The following ARHGEF12 variants were observed in gnomAD, a reference collection of about 807,000 sequenced individuals.
The protein encoded by ARHGEF12 is Rho guanine nucleotide exchange factor 12.
A neutral mutation model predicts 211.2 loss-of-function variants in ARHGEF12; 66 were observed. The observed-to-expected ratio is 0.31, with a 90% CI of 0.26 to 0.38. The LOEUF (loss-of-function observed/expected upper bound fraction) is 0.38, where lower values mean the gene tolerates loss of function less well. Ranked by LOEUF, ARHGEF12 falls within the 10% of genes least tolerant of loss-of-function variation. The pLI is 1.00. For missense variants in ARHGEF12, 1,429 were observed against 1,869.5 expected (o/e 0.76, Z 4.34); for synonymous variants, 592 against 638.4 (o/e 0.93, Z 1.09).
At chr11:120,467,173 C>T in intron 28 of ARHGEF12, 21 bp from the exon 29 acceptor site, 1 of 1,467,242 alleles carries the variant, frequency 6.8e-7, no homozygotes, top group Non-Finnish European at 9.5e-7. Flanking sequence ...TACAGATTCA[C>T]TTATTTCACT....
At chr11:120,477,078 G>T in intron 34 of ARHGEF12, 141 bp from the exon 35 acceptor site, 1 of 684,768 alleles carries the variant, frequency 1.5e-6, no homozygotes, top group Non-Finnish European at 2.4e-6. Flanking sequence ...TGGCAGAGTG[G>T]GTTTTGTTGT....
chr11:120,457,966 G>T, intron 24 of ARHGEF12, 114 bp from the exon 25 acceptor site: 1 of 1,312,194 alleles, frequency 7.6e-7, no homozygotes, highest in South Asian at 1.4e-5. Context: ...TGAAATTTCA[G>T]TGCTAAGTCA....
chr11:120,345,896 G>A (rs985067520), intron 1 of ARHGEF12, among the ~76,000 whole-genome samples: 5 of 151,648 alleles, frequency 3.3e-5, no homozygotes, highest in Admixed American at 6.6e-5. Context: ...AGTAATTATC[G>A]GTAGCCTTAT....
At chr11:120,337,622 G>C in intron 1 of ARHGEF12, 2 of 985,362 alleles carry the variant, frequency 2.0e-6, no homozygotes, top group Non-Finnish European at 2.4e-6. Context: ...AGTCGGCTCG[G>C]TATTGGTGTA....
intron 22 of ARHGEF12, among the ~76,000 whole-genome samples, chr11:120,455,993 A>G (rs1006358509): frequency 3.9e-5 from 6 of 152,230 alleles, no homozygotes; most frequent in Non-Finnish European, 7.3e-5. Flanking sequence ...GAAGTGGCCC[A>G]TGGATTGCAT....
rs1422365117 is a variant in ARHGEF12 at position 120,347,145 on chromosome 11, TTCCTTCCTTCC to T, written c.32+9872_32+9882del. ...TTTCTTTCTTTCTTTCCTTCCTTCCTTCCTTCCTTCCTTCCTTCCTTCCTTCCTTCCTTCCT... is the reference window on the plus strand; with the variant it reads ...TTTCTTTCTTTCTTTCCTTCCTTCCTTTCCTTCCTTCCTTCCTTCCTTCCT... On this transcript the variant is annotated intron_variant, in intron 1 of 40. Transcript: ENST00000397843. Among the ~76,000 whole-genome samples the T allele has an allele frequency of 4.3e-4, 40 of 93,102 alleles. 3 individuals carry two copies. Among genetic ancestry groups the T allele is most frequent in the African/African-American group, 1.5e-3 (37 of 24,140 alleles). 61.1% of individuals were successfully genotyped at this position (93,102 alleles called of 152,430 possible). A position where few individuals can be genotyped will look rare whatever the true frequency, so the allele number is the denominator to read the frequency against.
At chr11:120,429,597 A>G in intron 9 of ARHGEF12, 80 bp downstream of exon 9, 1 of 1,572,172 alleles carries the variant, frequency 6.4e-7, no homozygotes, top group Non-Finnish European at 8.7e-7. Context: ...TATCAGTCAC[A>G]ATCAAGCAGC....
rs1947408273 is a variant in ARHGEF12, at chr11:120,486,781, G to A, written c.*1704G>A. On this transcript the variant is annotated 3_prime_UTR_variant, in exon 41 of 41. Coordinates refer to ENST00000397843, the MANE Select transcript of ARHGEF12 (RefSeq NM_015313.3). ...TATAAACACCACTGCAACTTAACAA[G>A]TTTATTTATCTATGTCCAGATTTCT... 1 of 217,468 alleles carries A rather than the reference G, an allele frequency of 4.6e-6. No homozygotes were observed. The highest frequency in any genetic ancestry group is 9.3e-6 in the Non-Finnish European group (1 of 108,042). The allele number at this position is 217,468 out of a possible 1,614,324, so 13.5% of individuals were successfully genotyped here. A position where few individuals can be genotyped will look rare whatever the true frequency, so the allele number is the denominator to read the frequency against.
chr11:120,481,326 C>T lies in ARHGEF12; in HGVS notation c.4304C>T (p.Ser1435Phe), dbSNP rs1947228777. 1.2e-6 allele frequency: 2 copies of T among 1,614,192 alleles called. No homozygotes were observed. Among genetic ancestry groups the T allele is most frequent in the South Asian group, 2.2e-5 (2 of 91,082 alleles). ...QESSTDEEVASSLTLQPMTGI... is the reference protein window; with the variant it reads ...QESSTDEEVAFSLTLQPMTGI... The stretch of plus-strand genomic sequence containing the variant: ...AGTTCCACAGATGAGGAGGTTGCTT[C>T]CTCACTTACCCTGCAGCCCATGACA... The change falls in exon 39 of 41, where the codon TCC becomes TTC. Residue 1435 changes from serine to phenylalanine, a missense_variant. Coordinates refer to ENST00000397843, the MANE Select transcript of ARHGEF12 (RefSeq NM_015313.3).
At position 120,457,178 on chromosome 11, in the gene ARHGEF12, C is replaced by T. The variant is rs1444090921; in HGVS notation, c.2117C>T (p.Thr706Ile). The T allele has an allele frequency of 6.2e-7, 1 of 1,614,120 alleles. No homozygotes were observed. Among genetic ancestry groups the T allele is most frequent in the East Asian group, 2.2e-5 (1 of 44,874 alleles). ...PGDTLDGTPR[T>I]LNTVFDFPPP... is the part of the protein sequence containing the mutation. ...GACACCTTAGATGGCACACCTCGTA[C>T]TCTCAATACTGTCTTTGATTTCCCA... The change falls in exon 23 of 41, where the codon ACT becomes ATT. Residue 706 changes from threonine to isoleucine, a missense_variant. Thr to Ile is a moderately conservative substitution (Grantham distance 89, BLOSUM62 -1). Coordinates refer to ENST00000397843, the MANE Select transcript of ARHGEF12 (RefSeq NM_015313.3).
intron 4 of ARHGEF12, among the ~76,000 whole-genome samples, chr11:120,417,618 A>G (rs1331941454): frequency 6.7e-6 from 1 of 150,180 alleles, no homozygotes; most frequent in Non-Finnish European, 1.5e-5. Flanking sequence ...AGATTCAAGC[A>G]GTTCTCCTGC....
chr11:120,379,567 C>G (rs1009408266), intron 1 of ARHGEF12, among the ~76,000 whole-genome samples: 2 of 151,220 alleles, frequency 1.3e-5, no homozygotes, highest in Admixed American at 1.3e-4. Flanking sequence ...ACCTTCTATT[C>G]CTAGCTTGTA....
intron 1 of ARHGEF12, among the ~76,000 whole-genome samples, chr11:120,350,390 C>G (rs942471489): frequency 5.3e-5 from 8 of 151,874 alleles, no homozygotes; most frequent in African/African-American, 1.9e-4. Flanking sequence ...TGGTGGGCAC[C>G]TGTAGTCCCA....
chr11:120,414,872 G>A lies in ARHGEF12; in HGVS notation c.199+5422G>A, dbSNP rs534134917. On this transcript the variant is annotated intron_variant, in intron 4 of 40. Coordinates refer to ENST00000397843, the MANE Select transcript of ARHGEF12 (RefSeq NM_015313.3). The stretch of plus-strand genomic sequence containing the variant: ...CTCCCAAAACGTTGGGATTACAGGT[G>A]TGATCCACGGTGCCTGCCTGTCAGG... Among the ~76,000 whole-genome samples the A allele has an allele frequency of 5.3e-5, 8 of 152,280 alleles. No individual in the cohort carries two copies. The East Asian group carries it at 1.4e-3, about 26-fold the overall frequency.
intron 1 of ARHGEF12, among the ~76,000 whole-genome samples, chr11:120,356,738 C>T (rs1943141088): frequency 6.6e-6 from 1 of 152,160 alleles, no homozygotes; most frequent in African/African-American, 2.4e-5. Flanking sequence ...AAAAGTTACT[C>T]CAAAGATGAT....
At chr11:120,337,498 A>T (rs1942387787) in intron 1 of ARHGEF12, 1 of 985,248 alleles carries the variant, frequency 1.0e-6, no homozygotes, top group East Asian at 1.1e-4. Context: ...CGATTCTCAG[A>T]GAAGGGGGAG....
At chr11:120,402,382 T>G (rs916476991) in intron 1 of ARHGEF12, among the ~76,000 whole-genome samples, 1 of 152,164 alleles carries the variant, frequency 6.6e-6, no homozygotes, top group African/African-American at 2.4e-5. Context: ...CTGGAGTGGG[T>G]TCCAATAAAA....
chr11:120,477,434 T>A lies in ARHGEF12; in HGVS notation c.3453-13T>A. ...GAAGGTAAAAGTTTTTTTTTTTTTT[T>A]TTTTCTCTACAGAGGAGATAATGAT... On this transcript the variant is annotated splice_polypyrimidine_tract_variant and intron_variant, in intron 35 of 40. Coordinates refer to ENST00000397843, the MANE Select transcript of ARHGEF12 (RefSeq NM_015313.3). 6.4e-7 allele frequency: 1 copy of A among 1,573,388 alleles called. No individual in the cohort carries two copies. The highest frequency in any genetic ancestry group is 8.6e-7 in the Non-Finnish European group (1 of 1,167,406).
chr11:120,413,621 G>A (rs544124726), intron 4 of ARHGEF12, among the ~76,000 whole-genome samples: 42 of 152,276 alleles, frequency 2.8e-4, no homozygotes, highest in Non-Finnish European at 2.9e-4. Context: ...TGGAATTTAA[G>A]GCTCTTCTTG....
Sources: allele counts gnomAD v4.1 joint callset (sites outside exome capture counted in the v4.1 genomes callset), GRCh38; gene constraint gnomAD v4.1.1; transcripts MANE v1.5; gene names NCBI Gene and HGNC (gene_info 2026-07-23, HGNC 2026-07-21).